The following IQSEC2 variants were observed in gnomAD, a reference collection of about 807,000 sequenced individuals.
The protein encoded by IQSEC2 is IQ motif and SEC7 domain-containing protein 2.
In IQSEC2, 6 loss-of-function variants were observed where a neutral mutation model predicts 74.6. That is an observed-to-expected ratio of 0.08 (90% CI 0.04 to 0.16). The LOEUF is 0.16. Among genes scored for constraint, IQSEC2 ranks in the 10% least tolerant of loss-of-function variants. The pLI is 1.00. For synonymous variants in IQSEC2, 494 were observed against 544.5 expected, an observed-to-expected ratio of 0.91 and a Z score of 1.29; for missense variants, 734 against 1,306.2, an observed-to-expected ratio of 0.56 and a Z score of 6.75.
chrX:53,229,634 C>G (rs1453578009), downstream of IQSEC2: 1 of 109,864 alleles, frequency 9.1e-6, no homozygotes, highest in East Asian at 2.8e-4. Flanking sequence ...TCCAGGAGTT[C>G]GAAGCTGCAG....
At chrX:53,289,693 G>A (rs1019188606) in intron 2 of IQSEC2, among the ~76,000 whole-genome samples, 3 of 111,105 alleles carry the variant, frequency 2.7e-5, no homozygotes, top group Non-Finnish European at 3.8e-5. Flanking sequence ...CCCCATACAC[G>A]CCATGCTTTA....
At position 53,243,377 on chromosome X, in the gene IQSEC2, C is replaced by T. The variant is rs1556861333; in HGVS notation, c.2844G>A (p.Val948=). The part of the protein sequence containing the change: ...GRELRTNDDH[V]SQVQAVERMI... ...TGCGCTCCACAGCCTGCACCTGGGA[C>T]ACATGGTCATCGTTGGTCCGCAGTT... Residue 948 remains valine, a synonymous_variant, in exon 9 of 15, where the codon GTG becomes GTA. Coordinates refer to ENST00000642864, the MANE Select transcript of IQSEC2 (RefSeq NM_001111125.3). The T allele has an allele frequency of 8.6e-7, 1 of 1,167,774 alleles. No homozygotes were observed. Among genetic ancestry groups the T allele is most frequent in the Middle Eastern group, 2.3e-4 (1 of 4,303 alleles).
Position 53,236,058 on chromosome X carries a change from G to A in IQSEC2, c.3452-226C>T, listed in dbSNP as rs2074124077. ...GTGGAGGTACAGGAGAGACAGAAGA[G>A]GGAGAAGAGGAGGAGAGGGGGAGCA... On this transcript the variant is annotated intron_variant, in intron 13 of 14. Transcript: ENST00000642864. Among the ~76,000 whole-genome samples, 2 of 111,787 alleles carry A rather than the reference G, an allele frequency of 1.8e-5. 1 individual carries two copies. Among genetic ancestry groups the A allele is most frequent in the Non-Finnish European group, 3.8e-5 (2 of 52,962 alleles).
At position 53,320,650 on chromosome X, in the gene IQSEC2, G is replaced by A; in HGVS notation, c.474C>T (p.His158=). 8.6e-7 allele frequency: 1 copy of A among 1,164,315 alleles called. No homozygotes were observed. Among genetic ancestry groups the A allele is most frequent in the Non-Finnish European group, 1.1e-6 (1 of 871,257 alleles). ...CCAGGGCTGGGTTCTCGTGGTGCAG[G>A]TGGCACTGGGCCACGTCACGCTCGC... The part of the protein sequence containing the change: ...TARERDVAQC[H]LHHENPALGR... The change falls in exon 1 of 15, where the codon CAC becomes CAT. Residue 158 remains histidine (H), a synonymous_variant. Coordinates refer to ENST00000642864, the MANE Select transcript of IQSEC2 (RefSeq NM_001111125.3).
chrX:53,226,029 TTATC>T (rs1365655649), downstream of IQSEC2: 2 of 112,975 alleles, frequency 1.8e-5, no homozygotes, highest in Non-Finnish European at 3.7e-5. Flanking sequence ...AACGGCGTAT[TTATC>T]CAGTGTCAAC....
Position 53,238,232 on chromosome X carries a change from G to A in IQSEC2, c.3190C>T (p.Pro1064Ser). The change falls in exon 12 of 15, where the codon CCC becomes TCC. Residue 1064 changes from proline (P) to serine (S), a missense_variant. Coordinates refer to ENST00000642864, the MANE Select transcript of IQSEC2 (RefSeq NM_001111125.3). ...ERKVLIIFNAPSLQDRLRFTS... is the reference protein window; with the variant it reads ...ERKVLIIFNASSLQDRLRFTS... ...AAGCGCAGCCGGTCCTGGAGGCTGG[G>A]GGCATTGAAGATGATGAGGACTTTT... The A allele has an allele frequency of 8.3e-7, 1 of 1,210,921 alleles. No individual in the cohort carries two copies. Among genetic ancestry groups the A allele is most frequent in the Non-Finnish European group, 1.1e-6 (1 of 895,148 alleles).
intron 2 of IQSEC2, among the ~76,000 whole-genome samples, chrX:53,270,691 T>C (rs2074728994): frequency 8.9e-6 from 1 of 112,475 alleles, no homozygotes; most frequent in African/African-American, 3.2e-5. Flanking sequence ...TTCTGTTCAG[T>C]GCTAAACCCC....
chrX:53,240,849 A>G (rs1287467719), intron 10 of IQSEC2, among the ~76,000 whole-genome samples: 1 of 105,660 alleles, frequency 9.5e-6, no homozygotes, highest in Middle Eastern at 4.4e-3. Context: ...ATCTCAGCTC[A>G]CTGCAACCTC....
At position 53,234,946 on chromosome X, in the gene IQSEC2, T is replaced by C; in HGVS notation, c.3740A>G (p.His1247Arg). 1 of 1,166,975 alleles carries C rather than the reference T, an allele frequency of 8.6e-7. No homozygotes were observed. Among genetic ancestry groups the C allele is most frequent in the South Asian group, 1.9e-5 (1 of 52,702 alleles). The change falls in exon 15 of 15, where the codon CAT (histidine) becomes CGT (arginine). Residue 1247 changes from histidine to arginine, a missense_variant. Physicochemically the swap from His to Arg is conservative, Grantham distance 29. Coordinates refer to ENST00000642864, the MANE Select transcript of IQSEC2 (RefSeq NM_001111125.3). ...CCCCAGGCCACCGTGGCTATGGCCA[T>C]GATGGTGGTGGTGGTGGTGGTGGTG... ...STHHHHHHHH[H>R]GHSHGGLGVL...
At chrX:53,272,820 C>T (rs1556868862) in intron 2 of IQSEC2, among the ~76,000 whole-genome samples, 1 of 111,943 alleles carries the variant, frequency 8.9e-6, no homozygotes, top group Non-Finnish European at 1.9e-5. Flanking sequence ...TATGGTCAGG[C>T]CCATTCTTTG....
At chrX:53,281,757 G>A in intron 2 of IQSEC2, 1 of 338,314 alleles carries the variant, frequency 3.0e-6, no homozygotes, top group East Asian at 4.7e-5. Flanking sequence ...CCCTCCTCTG[G>A]GCCAAACCCC....
At position 53,264,234 on chromosome X, in the gene IQSEC2, A is replaced by C. The variant is rs192619321; in HGVS notation, c.738-8173T>G. On this transcript the variant is annotated intron_variant, in intron 2 of 14. Transcript: ENST00000642864. ...CTGCAGCAGTGTGCACAGTCTCACA[A>C]CTGTGAGACCTGCAGAGCCTTGTGC... 2.2e-4 allele frequency among the ~76,000 whole-genome samples: 25 copies of C among 112,201 alleles called. No homozygotes were observed. In the East Asian group the frequency reaches 5.4e-3, roughly 24 times the overall value.
At position 53,302,566 on chromosome X, in the gene IQSEC2, C is replaced by G. The variant is rs1381463861; in HGVS notation, c.708-10642G>C. On this transcript the variant is annotated intron_variant, in intron 1 of 14. Coordinates refer to ENST00000642864, the MANE Select transcript of IQSEC2 (RefSeq NM_001111125.3). ...AGCGAGCTATGATCATGCCACTGCA[C>G]TCTAGCCTGGGCAACAGAGCACAAC... is the stretch of plus-strand genomic sequence containing the variant. Among the ~76,000 whole-genome samples the G allele has an allele frequency of 3.6e-5, 4 of 111,926 alleles. No homozygotes were observed. The Admixed American group carries it at 3.8e-4, about 11-fold the overall frequency.
intron 2 of IQSEC2, among the ~76,000 whole-genome samples, chrX:53,289,173 A>ACACGCGTGCATG (rs6151305): frequency 2.8e-5 from 3 of 108,414 alleles, no homozygotes; most frequent in Non-Finnish European, 3.8e-5. Context: ...CCCCCTCCAC[A>ACACGCGTGCATG]CACACATGAA....
At chrX:53,302,409 C>T in intron 1 of IQSEC2, among the ~76,000 whole-genome samples, 1 of 112,430 alleles carries the variant, frequency 8.9e-6, no homozygotes, top group African/African-American at 3.2e-5. Flanking sequence ...GTGTGAGGTA[C>T]TTAGATGTTC....
At chrX:53,291,083 A>G (rs2075094616) in intron 2 of IQSEC2, among the ~76,000 whole-genome samples, 1 of 111,531 alleles carries the variant, frequency 9.0e-6, no homozygotes, top group African/African-American at 3.3e-5. Context: ...GGCCTATCCC[A>G]TAGCCCCCAG....
intron 2 of IQSEC2, chrX:53,266,280 G>T: frequency 1.7e-6 from 1 of 584,688 alleles, no homozygotes; most frequent in Non-Finnish European, 2.1e-6. Flanking sequence ...CCCTGGTGGG[G>T]ATTGGAAGAG....
At chrX:53,308,248 A>T (rs1371056933) in intron 1 of IQSEC2, among the ~76,000 whole-genome samples, 1 of 109,421 alleles carries the variant, frequency 9.1e-6, no homozygotes, top group Non-Finnish European at 1.9e-5. Flanking sequence ...GTGAATAAAA[A>T]ACAGACCTTG....
At chrX:53,263,744 A>G (rs1395932648) in intron 2 of IQSEC2, among the ~76,000 whole-genome samples, 1 of 111,319 alleles carries the variant, frequency 9.0e-6, no homozygotes, top group Non-Finnish European at 1.9e-5. Flanking sequence ...ACGGAACATG[A>G]CAGGGTCAGT....
Sources: allele counts gnomAD v4.1 joint callset (sites outside exome capture counted in the v4.1 genomes callset), GRCh38; gene constraint gnomAD v4.1.1; transcripts MANE v1.5; gene names NCBI Gene and HGNC (gene_info 2026-07-23, HGNC 2026-07-21).